ULK4: variants seen among roughly 807,000 people sequenced by gnomAD.
ULK4 encodes inactive serine/threonine-protein kinase ULK4.
ULK4 carries 133 observed loss-of-function variants against 160.6 expected under a neutral mutation model. That is an observed-to-expected ratio of 0.83 (90% CI 0.72 to 0.96). The LOEUF (loss-of-function observed/expected upper bound fraction) is 0.96, where lower values mean the gene tolerates loss of function less well. Ranked by LOEUF, ULK4 falls within the 40% of genes least tolerant of loss-of-function variation. The pLI, the probability that ULK4 is intolerant of heterozygous loss-of-function variation, is 0.00. For missense variants in ULK4, 1,580 were observed against 1,499.5 expected (o/e 1.05, Z -0.89); for synonymous variants, 534 against 539.8 (o/e 0.99, Z 0.15).
intron 22 of ULK4, among the ~76,000 whole-genome samples, chr3:41,736,001 T>C (rs896497597): frequency 1.6e-4 from 25 of 151,740 alleles, no homozygotes; most frequent in Admixed American, 3.3e-4. Context: ...TTCATCCATG[T>C]CCCTACAAAG....
At chr3:41,882,304 A>G in intron 17 of ULK4, 2 of 702,656 alleles carry the variant, frequency 2.8e-6, no homozygotes, top group Non-Finnish European at 5.2e-6. Flanking sequence ...AGAAATAAAT[A>G]CATAAAATGC....
At chr3:41,257,276 T>C (rs1220128594) in intron 35 of ULK4, among the ~76,000 whole-genome samples, 1 of 152,198 alleles carries the variant, frequency 6.6e-6, no homozygotes, top group African/African-American at 2.4e-5. Context: ...TTCTCATTTA[T>C]TGCTGATGTG....
chr3:41,247,370 C>A (rs1297269477), intron 36 of ULK4, among the ~76,000 whole-genome samples: 2 of 152,218 alleles, frequency 1.3e-5, no homozygotes, highest in Admixed American at 1.3e-4. Flanking sequence ...ACCCTCCCTG[C>A]TCCATTGCCC....
At chr3:41,818,822 TTTTAGGTTGGTTTCTAAATCC>T (rs2041050246) in intron 19 of ULK4, among the ~76,000 whole-genome samples, 1 of 152,224 alleles carries the variant, frequency 6.6e-6, no homozygotes, top group Non-Finnish European at 1.5e-5. Flanking sequence ...AATGCCAACC[TTTTAGGTTGGTTTCTAAATCC>T]TTTACATAGT....
intron 23 of ULK4, 40 bp downstream of exon 23, chr3:41,717,688 A>C: frequency 6.4e-7 from 1 of 1,573,094 alleles, no homozygotes; most frequent in Non-Finnish European, 8.7e-7. Context: ...TTAGAAACGT[A>C]AAAGCAGAAA....
At chr3:41,756,646 G>C (rs1375302235) in intron 21 of ULK4, among the ~76,000 whole-genome samples, 3 of 152,128 alleles carry the variant, frequency 2.0e-5, no homozygotes, top group African/African-American at 7.2e-5. Flanking sequence ...GCTGGTCAGA[G>C]GCCCCCAGAG....
At chr3:41,827,741 T>C (rs1378214612) in intron 18 of ULK4, among the ~76,000 whole-genome samples, 3 of 152,106 alleles carry the variant, frequency 2.0e-5, no homozygotes, top group Non-Finnish European at 4.4e-5. Flanking sequence ...CTGGTACCAT[T>C]CCTTCTGAAA....
intron 35 of ULK4, among the ~76,000 whole-genome samples, chr3:41,318,189 G>T (rs1054582910): frequency 3.3e-5 from 5 of 152,010 alleles, no homozygotes; most frequent in African/African-American, 1.2e-4. Context: ...TCCATTCCAT[G>T]AATGTTGTGA....
At chr3:41,663,302 G>A (rs956177780) in intron 30 of ULK4, among the ~76,000 whole-genome samples, 1 of 151,902 alleles carries the variant, frequency 6.6e-6, no homozygotes, top group Non-Finnish European at 1.5e-5. Context: ...TTAATAAACT[G>A]CTCAGTACAA....
intron 30 of ULK4, among the ~76,000 whole-genome samples, chr3:41,626,125 T>C (rs576162369): frequency 5.7e-4 from 87 of 152,330 alleles, no homozygotes; most frequent in Non-Finnish European, 1.1e-3. Flanking sequence ...AGAAACCATT[T>C]TGTATATCTG....
In ULK4 at chr3:41,246,892, G is replaced by A. The variant is rs1011578798; in HGVS notation, c.*37C>T. On this transcript the variant is annotated 3_prime_UTR_variant, in exon 37 of 37. Coordinates refer to ENST00000301831, the MANE Select transcript of ULK4 (RefSeq NM_017886.4). Reference sequence around the variant, plus strand: ...ACCTTGCTTATGCATCCGAGGGCTGGGGCCACAGGGCGGGCTTGTGCTAAG... The same window carrying A: ...ACCTTGCTTATGCATCCGAGGGCTGAGGCCACAGGGCGGGCTTGTGCTAAG... 10 of 1,608,176 alleles carry A rather than the reference G, an allele frequency of 6.2e-6. No individual in the cohort carries two copies. In the Admixed American group the frequency reaches 6.7e-5, roughly 11 times the overall value.
chr3:41,513,805 G>A (rs913983179), intron 32 of ULK4, among the ~76,000 whole-genome samples: 3 of 152,174 alleles, frequency 2.0e-5, no homozygotes, highest in Admixed American at 2.0e-4. Flanking sequence ...GGACTTTGGA[G>A]ACTCGGGAGA....
intron 32 of ULK4, among the ~76,000 whole-genome samples, chr3:41,534,884 T>C (rs2086444463): frequency 6.6e-6 from 1 of 152,210 alleles, no homozygotes; most frequent in Admixed American, 6.5e-5. Flanking sequence ...AGGTTTATTA[T>C]AATTTTTAGA....
In ULK4 at chr3:41,776,519, A is replaced by T. The variant is rs1004586743; in HGVS notation, c.2193+13142T>A. On this transcript the variant is annotated intron_variant, in intron 21 of 36. Coordinates refer to ENST00000301831, the MANE Select transcript of ULK4 (RefSeq NM_017886.4). Reference sequence around the variant, plus strand: ...ACACTACAAAGTACTAATTTCAAAAAAGATGAACATTTCTATAAACAGATA... The same window carrying T: ...ACACTACAAAGTACTAATTTCAAAATAGATGAACATTTCTATAAACAGATA... 4.6e-5 allele frequency among the ~76,000 whole-genome samples: 7 copies of T among 151,072 alleles called. 1 individual carries two copies. Among genetic ancestry groups the T allele is most frequent in the African/African-American group, 7.4e-5 (3 of 40,332 alleles).
intron 34 of ULK4, among the ~76,000 whole-genome samples, chr3:41,453,495 G>A (rs2083469763): frequency 6.6e-6 from 1 of 152,078 alleles, no homozygotes. Flanking sequence ...TTTTTACATA[G>A]CTATATTTGT....
intron 30 of ULK4, among the ~76,000 whole-genome samples, chr3:41,624,509 T>A (rs2033400136): frequency 6.6e-6 from 1 of 152,220 alleles, no homozygotes; most frequent in African/African-American, 2.4e-5. Flanking sequence ...CTCTGCATGA[T>A]GCGCACGCTG....
chr3:41,393,938 C>T (rs1450569160), intron 35 of ULK4, among the ~76,000 whole-genome samples: 1 of 152,094 alleles, frequency 6.6e-6, no homozygotes, highest in Non-Finnish European at 1.5e-5. Flanking sequence ...GTCTTGGGAA[C>T]ATTATTTAAG....
intron 35 of ULK4, among the ~76,000 whole-genome samples, chr3:41,368,369 T>C (rs2081294907): frequency 6.6e-6 from 1 of 152,132 alleles, no homozygotes; most frequent in South Asian, 2.1e-4. Context: ...TTTTTTAAAA[T>C]AACAAATTCA....
intron 35 of ULK4, among the ~76,000 whole-genome samples, chr3:41,339,988 C>T (rs577909818): frequency 5.3e-5 from 8 of 152,226 alleles, no homozygotes; most frequent in African/African-American, 1.9e-4. Flanking sequence ...ATAATATTAA[C>T]CAAAAGGGGA....
Sources: allele counts gnomAD v4.1 joint callset (sites outside exome capture counted in the v4.1 genomes callset), GRCh38; gene constraint gnomAD v4.1.1; transcripts MANE v1.5; gene names NCBI Gene and HGNC (gene_info 2026-07-23, HGNC 2026-07-21).